The following PLCL1 variants were observed in gnomAD, a reference collection of about 807,000 sequenced individuals.
PLCL1 encodes the protein phospholipase C like 1 (inactive).
A neutral mutation model predicts 84.4 loss-of-function variants in PLCL1; 41 were observed. The observed-to-expected ratio is 0.49, with a 90% CI of 0.38 to 0.63. The LOEUF (loss-of-function observed/expected upper bound fraction) is 0.63. Ranked by LOEUF, PLCL1 falls within the 30% of genes least tolerant of loss-of-function variation. PLCL1 has a pLI of 0.00. For synonymous variants in PLCL1, 490 were observed against 488.3 expected, an observed-to-expected ratio of 1.00 and a Z score of -0.05; for missense variants, 1,206 against 1,367.8, an observed-to-expected ratio of 0.88 and a Z score of 1.87.
chr2:197,954,561 T>C (rs1046153806), intron 1 of PLCL1, among the ~76,000 whole-genome samples: 1 of 152,074 alleles, frequency 6.6e-6, no homozygotes, highest in Non-Finnish European at 1.5e-5. Context: ...TATATGCTAA[T>C]TTAGTATAAT....
chr2:198,045,190 A>T (rs1330926673), intron 1 of PLCL1, among the ~76,000 whole-genome samples: 1 of 152,132 alleles, frequency 6.6e-6, no homozygotes, highest in South Asian at 2.1e-4. Flanking sequence ...AAAACATAGA[A>T]ATTAATTTGG....
At chr2:197,843,647 A>G (rs977540358) in intron 1 of PLCL1, among the ~76,000 whole-genome samples, 1 of 152,192 alleles carries the variant, frequency 6.6e-6, no homozygotes, top group Admixed American at 6.5e-5. Context: ...CAAGATGGAT[A>G]ATGGAGGAAG....
Position 198,086,095 on chromosome 2 carries a change from A to T in PLCL1, c.2578A>T (p.Ser860Cys), listed in dbSNP as rs1382540441. The T allele has an allele frequency of 6.2e-7, 1 of 1,614,120 alleles. No individual in the cohort carries two copies. The highest frequency in any genetic ancestry group is 1.3e-5 in the African/African-American group (1 of 75,044). Reference sequence around the variant, plus strand: ...TGGAGGAGGAAAGGCACAGAAGCGCAGTCTTTCAGTGAGAATGGGGAAGAA... The same window carrying T: ...TGGAGGAGGAAAGGCACAGAAGCGCTGTCTTTCAGTGAGAATGGGGAAGAA... ...RSGGGKAQKR[S>C]LSVRMGKKVR... Residue 860 changes from serine to cysteine, a missense_variant, in exon 2 of 6, where the codon AGT becomes TGT. Transcript: ENST00000428675.
rs1417995340 is a variant in PLCL1, at chr2:197,951,693, CACTTT to C, written c.241-132062_241-132058del. ...AAAGTAATCTAATCTGGATTTCTGT[CACTTT>C]ACAACAACAGAAATTCCAGCGAACA... On this transcript the variant is annotated intron_variant, in intron 1 of 5. Transcript: ENST00000428675. Among the ~76,000 whole-genome samples the C allele has an allele frequency of 1.6e-4, 24 of 152,122 alleles. 1 individual carries two copies. The highest frequency in any genetic ancestry group is 2.9e-5 in the Non-Finnish European group (2 of 68,014).
intron 1 of PLCL1, among the ~76,000 whole-genome samples, chr2:197,838,580 A>G (rs1231236259): frequency 6.6e-6 from 1 of 152,252 alleles, no homozygotes; most frequent in Non-Finnish European, 1.5e-5. Flanking sequence ...TCATGAATTG[A>G]AAAAGTTTTA....
At chr2:197,857,332 A>G (rs964582395) in intron 1 of PLCL1, among the ~76,000 whole-genome samples, 1 of 152,144 alleles carries the variant, frequency 6.6e-6, no homozygotes, top group African/African-American at 2.4e-5. Context: ...CACCACCAGT[A>G]CAACCTCTGC....
At chr2:198,055,833 G>GA (rs1692058286) in intron 1 of PLCL1, among the ~76,000 whole-genome samples, 1 of 152,084 alleles carries the variant, frequency 6.6e-6, no homozygotes, top group Non-Finnish European at 1.5e-5. Context: ...TGATAGGGAT[G>GA]AAATAATCAC....
chr2:198,068,531 C>A (rs192794749), intron 1 of PLCL1, among the ~76,000 whole-genome samples: 2 of 152,086 alleles, frequency 1.3e-5, no homozygotes, highest in Non-Finnish European at 2.9e-5. Context: ...GAAATTTATC[C>A]TCTCAGGGGT....
Position 197,858,138 on chromosome 2 carries a change from G to C in PLCL1, c.240+52799G>C, listed in dbSNP as rs189704201. On this transcript the variant is annotated intron_variant, in intron 1 of 5. Coordinates refer to ENST00000428675, the MANE Select transcript of PLCL1 (RefSeq NM_006226.4). ...AACTTGGTGTGGAGTAGATTACAAG[G>C]TCAAAATGAATATGTGATCTATTGG... is the stretch of plus-strand genomic sequence containing the variant. Among the ~76,000 whole-genome samples the C allele has an allele frequency of 1.8e-4, 27 of 152,260 alleles. 1 individual carries two copies. Among genetic ancestry groups the C allele is most frequent in the Admixed American group, 2.6e-4 (4 of 15,282 alleles).
chr2:197,901,192 A>G (rs1378830560), intron 1 of PLCL1, among the ~76,000 whole-genome samples: 1 of 152,252 alleles, frequency 6.6e-6, no homozygotes. Flanking sequence ...CAGAATCAGT[A>G]TATGAGGAGA....
At chr2:197,810,103 G>C (rs926814933) in intron 1 of PLCL1, among the ~76,000 whole-genome samples, 1 of 151,998 alleles carries the variant, frequency 6.6e-6, no homozygotes, top group African/African-American at 2.4e-5. Context: ...CTTCAGCTGC[G>C]GCTCTCCTCC....
intron 1 of PLCL1, among the ~76,000 whole-genome samples, chr2:198,062,106 A>G (rs1255378140): frequency 6.6e-6 from 1 of 152,222 alleles, no homozygotes; most frequent in Non-Finnish European, 1.5e-5. Flanking sequence ...GGACATGGTA[A>G]GATTCTGGAG....
intron 3 of PLCL1, among the ~76,000 whole-genome samples, chr2:198,092,117 C>A (rs141447267): frequency 6.6e-6 from 1 of 152,096 alleles, no homozygotes; most frequent in African/African-American, 2.4e-5. Flanking sequence ...CTCCCAACCT[C>A]ACCTGCCAGT....
chr2:198,063,675 A>C (rs1437432927), intron 1 of PLCL1, among the ~76,000 whole-genome samples: 1 of 152,230 alleles, frequency 6.6e-6, no homozygotes, highest in Non-Finnish European at 1.5e-5. Context: ...TACACACATG[A>C]CTAATGACAT....
chr2:197,875,218 G>A (rs541049303), intron 1 of PLCL1, among the ~76,000 whole-genome samples: 4 of 152,112 alleles, frequency 2.6e-5, no homozygotes, highest in Admixed American at 2.6e-4. Context: ...CCCAGGAGGT[G>A]GAAGTTGCAG....
At chr2:197,819,918 G>GTGTA (rs1553492241) in intron 1 of PLCL1, among the ~76,000 whole-genome samples, 3 of 151,536 alleles carry the variant, frequency 2.0e-5, no homozygotes, top group African/African-American at 7.3e-5. Flanking sequence ...GTGTGTGTGT[G>GTGTA]TGTATGTAGT....
At chr2:197,936,132 C>CCG (rs1553503826) in intron 1 of PLCL1, among the ~76,000 whole-genome samples, 1 of 44,672 alleles carries the variant, frequency 2.2e-5, no homozygotes, top group Non-Finnish European at 5.1e-5. Flanking sequence ...ATATTAAACA[C>CCG]CCCCCCCCTC....
At chr2:198,092,117 C>T (rs141447267) in intron 3 of PLCL1, among the ~76,000 whole-genome samples, 16 of 152,214 alleles carry the variant, frequency 1.1e-4, no homozygotes, top group Admixed American at 5.2e-4. Context: ...CTCCCAACCT[C>T]ACCTGCCAGT....
At chr2:197,887,468 T>C (rs916871301) in intron 1 of PLCL1, among the ~76,000 whole-genome samples, 5 of 152,218 alleles carry the variant, frequency 3.3e-5, no homozygotes, top group Admixed American at 3.3e-4. Flanking sequence ...TTAGTTCTGC[T>C]AAATATTGTA....
Sources: allele counts gnomAD v4.1 joint callset (sites outside exome capture counted in the v4.1 genomes callset), GRCh38; gene constraint gnomAD v4.1.1; transcripts MANE v1.5; gene names NCBI Gene and HGNC (gene_info 2026-07-23, HGNC 2026-07-21).